The following BEND4 variants were observed in gnomAD, a reference collection of about 807,000 sequenced individuals.
The protein encoded by BEND4 is BEN domain containing 4.
Under a neutral mutation model 54.7 loss-of-function variants are expected in BEND4, and 27 were observed. The ratio of observed to expected loss-of-function variants is 0.49; its 90% confidence interval spans 0.36 to 0.68. BEND4 has a LOEUF of 0.68. Ranked by LOEUF, BEND4 falls within the 30% of genes least tolerant of loss-of-function variation. BEND4 has a pLI of 0.00. For missense variants in BEND4, 702 were observed against 697.2 expected (o/e 1.01, Z -0.08); for synonymous variants, 327 against 299.5 (o/e 1.09, Z -0.95).
At chr4:42,128,088 C>G (rs1222662571) in intron 3 of BEND4, among the ~76,000 whole-genome samples, 1 of 152,108 alleles carries the variant, frequency 6.6e-6, no homozygotes, top group African/African-American at 2.4e-5. Flanking sequence ...TTGAGTCCAG[C>G]ATTTCAGGGC....
intron 1 of BEND4, 21 bp from the exon 2 acceptor site, chr4:42,152,397 A>G: frequency 7.7e-6 from 2 of 258,462 alleles, no homozygotes; most frequent in Non-Finnish European, 7.3e-6. Context: ...AAAGGAGGTA[A>G]AGAGCAAGTG....
At chr4:42,132,948 C>T (rs1720560657) in intron 3 of BEND4, among the ~76,000 whole-genome samples, 1 of 152,150 alleles carries the variant, frequency 6.6e-6, no homozygotes, top group African/African-American at 2.4e-5. Flanking sequence ...AACGTACCTA[C>T]TACCTATCCT....
At position 42,141,130 on chromosome 4, in the gene BEND4, C is replaced by T. The variant is rs932134983; in HGVS notation, c.1054+2298G>A. Among the ~76,000 whole-genome samples, 9 of 152,118 alleles carry T rather than the reference C, an allele frequency of 5.9e-5. No individual in the cohort carries two copies. The South Asian group carries it at 1.2e-3, about 21-fold the overall frequency. On this transcript the variant is annotated intron_variant, in intron 3 of 5. Transcript: ENST00000502486. ...TTCTACCCAGTGTCTGTCTTGCAGT[C>T]GGTGCCTGCCTGGCGTGGGAAAACA... is the stretch of plus-strand genomic sequence containing the variant.
chr4:42,129,063 A>G (rs142605958), intron 3 of BEND4, among the ~76,000 whole-genome samples: 3,892 of 152,340 alleles, frequency 0.026, 77 homozygotes, highest in Non-Finnish European at 0.038. Flanking sequence ...TCTTAAGCTG[A>G]TAAGAAACTT....
chr4:42,123,140 T>C (rs1720126344), intron 4 of BEND4, among the ~76,000 whole-genome samples: 1 of 152,188 alleles, frequency 6.6e-6, no homozygotes, highest in Non-Finnish European at 1.5e-5. Context: ...AAAGCACAAT[T>C]CAGAATGCTC....
In BEND4 at chr4:42,151,850, C is replaced by T. The variant is rs1168675359; in HGVS notation, c.294G>A (p.Ser98=). ...PGPGRAAAAA[S]SSSPSCTPAT... ...CGGGCGTGCAGGACGGCGACGACGACGAAGCGGCGGCGGCGGCCCGGCCGG... is the reference window on the plus strand; with the variant it reads ...CGGGCGTGCAGGACGGCGACGACGATGAAGCGGCGGCGGCGGCCCGGCCGG... The change falls in exon 2 of 6, where the codon TCG becomes TCA. Residue 98 remains serine (S), a synonymous_variant. Coordinates refer to ENST00000502486, the MANE Select transcript of BEND4 (RefSeq NM_207406.4). 9 of 1,327,288 alleles carry T rather than the reference C, an allele frequency of 6.8e-6. No homozygotes were observed. The highest frequency in any genetic ancestry group is 8.6e-6 in the Non-Finnish European group (9 of 1,048,212). The allele number at this position is 1,327,288 out of a possible 1,614,324, so 82.2% of individuals were successfully genotyped here.
chr4:42,124,377 G>A (rs1720189807), intron 4 of BEND4, among the ~76,000 whole-genome samples: 1 of 152,078 alleles, frequency 6.6e-6, no homozygotes, highest in African/African-American at 2.4e-5. Flanking sequence ...AAATAAATAG[G>A]AAACATAACT....
At chr4:42,143,399 G>A (rs1577766208) in intron 3 of BEND4, 29 bp downstream of exon 3, 2 of 1,511,050 alleles carry the variant, frequency 1.3e-6, no homozygotes, top group Non-Finnish European at 1.8e-6. Flanking sequence ...AAGGGTTGCA[G>A]TTGTCTTGCA....
chr4:42,142,661 C>A (rs1577765517), intron 3 of BEND4, among the ~76,000 whole-genome samples: 2 of 146,194 alleles, frequency 1.4e-5, no homozygotes, highest in African/African-American at 2.5e-5. Flanking sequence ...AAAGTAAAAT[C>A]AGTACCTTAC....
chr4:42,120,421 G>C (rs1720012343), intron 4 of BEND4, 127 bp from the exon 5 acceptor site: 1 of 1,175,590 alleles, frequency 8.5e-7, no homozygotes, highest in Non-Finnish European at 1.2e-6. Flanking sequence ...ACCAGGTATT[G>C]AAGTGCGCAA....
intron 4 of BEND4, among the ~76,000 whole-genome samples, chr4:42,122,882 C>T (rs1720118494): frequency 6.6e-6 from 1 of 152,202 alleles, no homozygotes; most frequent in South Asian, 2.1e-4. Context: ...GGATGCCATC[C>T]TCAAGTTCAG....
At chr4:42,123,934 G>T (rs1301120391) in intron 4 of BEND4, among the ~76,000 whole-genome samples, 1 of 152,174 alleles carries the variant, frequency 6.6e-6, no homozygotes, top group Non-Finnish European at 1.5e-5. Context: ...AATAGGTGTG[G>T]TGAGATCAAG....
chr4:42,120,305 G>A lies in BEND4; in HGVS notation c.1147-11C>T, dbSNP rs778175514. On this transcript the variant is annotated splice_polypyrimidine_tract_variant and intron_variant, in intron 4 of 5. Transcript: ENST00000502486. ...CAGCTGCTTGCTTCCCTGGAAAAGC[G>A]AAATATTTTCTCATTACCCACCGAG... The A allele has an allele frequency of 1.3e-6, 2 of 1,591,716 alleles. No individual in the cohort carries two copies. The highest frequency in any genetic ancestry group is 1.1e-5 in the South Asian group (1 of 90,464).
chr4:42,116,987 T>C lies in BEND4; in HGVS notation c.*531A>G, dbSNP rs1342345530. On this transcript the variant is annotated 3_prime_UTR_variant, in exon 6 of 6. Transcript: ENST00000502486. Reference sequence around the variant, plus strand: ...TTGCCTCTGTTCTCTGGTTTCCTTTTAGTAATAGACATTATTAATGTCAAA... The same window carrying C: ...TTGCCTCTGTTCTCTGGTTTCCTTTCAGTAATAGACATTATTAATGTCAAA... 1 of 152,340 alleles carries C rather than the reference T, an allele frequency of 6.6e-6. No individual in the cohort carries two copies. The allele number at this position is 152,340 out of a possible 1,614,324, so 9.4% of individuals were successfully genotyped here. A position where few individuals can be genotyped will look rare whatever the true frequency, so the allele number is the denominator to read the frequency against.
Position 42,114,425 on chromosome 4 carries a change from A to C in BEND4, c.*3093T>G, listed in dbSNP as rs2153143873. 6.6e-6 allele frequency: 1 copy of C among 152,384 alleles called. No individual in the cohort carries two copies. The highest frequency in any genetic ancestry group is 2.1e-4 in the South Asian group (1 of 4,824). 9.4% of individuals were successfully genotyped at this position (152,384 alleles called of 1,614,324 possible). Reference sequence around the variant, plus strand: ...CACATTTAGTCTTTGTTGTCAAGCCAGCCCCGTGACCTCCTCCTCTCACCA... The same window carrying C: ...CACATTTAGTCTTTGTTGTCAAGCCCGCCCCGTGACCTCCTCCTCTCACCA... On this transcript the variant is annotated 3_prime_UTR_variant, in exon 6 of 6. Transcript: ENST00000502486.
At chr4:42,139,113 C>T (rs1307340130) in intron 3 of BEND4, among the ~76,000 whole-genome samples, 3 of 152,126 alleles carry the variant, frequency 2.0e-5, no homozygotes, top group Non-Finnish European at 2.9e-5. Flanking sequence ...TTTTAAAAAC[C>T]TCTCATCCCT....
intron 4 of BEND4, among the ~76,000 whole-genome samples, chr4:42,123,705 A>ACAAAAAAAAACAAAAC (rs749474601): frequency 6.9e-6 from 1 of 144,908 alleles, no homozygotes; most frequent in Non-Finnish European, 1.5e-5. Flanking sequence ...AAAAAAAAAA[A>ACAAAAAAAAACAAAAC]AAAAAAAAAA....
At position 42,132,380 on chromosome 4, in the gene BEND4, T is replaced by C. The variant is rs144914415; in HGVS notation, c.1055-6706A>G. On this transcript the variant is annotated intron_variant, in intron 3 of 5. Transcript: ENST00000502486. ...CAGGGGATCGTTGAGGAGCTGCTGA[T>C]GCCCCCAGAGGCCTTCACAGCCAAC... 8.1e-4 allele frequency among the ~76,000 whole-genome samples: 124 copies of C among 152,322 alleles called. No homozygotes were observed. In the East Asian group the frequency reaches 0.015, roughly 19 times the overall value.
chr4:42,141,735 C>T (rs1720889664), intron 3 of BEND4, among the ~76,000 whole-genome samples: 1 of 152,160 alleles, frequency 6.6e-6, no homozygotes, highest in Non-Finnish European at 1.5e-5. Flanking sequence ...AGCAAGACTC[C>T]GTCTCAATTA....
Sources: allele counts gnomAD v4.1 joint callset (sites outside exome capture counted in the v4.1 genomes callset), GRCh38; gene constraint gnomAD v4.1.1; transcripts MANE v1.5; gene names NCBI Gene and HGNC (gene_info 2026-07-23, HGNC 2026-07-21).